Variants in ETHE1 observed in about 807,000 individuals in gnomAD.
ETHE1 encodes the protein ETHE1 persulfide dioxygenase.
ETHE1 carries 16 observed loss-of-function variants against 25.7 expected under a neutral mutation model. The ratio of observed to expected loss-of-function variants is 0.62; its 90% CI spans 0.42 to 0.95. The LOEUF is 0.95. ETHE1 is among the 40% of genes least tolerant of loss of function. The pLI is 0.00. For synonymous variants in ETHE1, 139 were observed against 135.9 expected (o/e 1.02, Z -0.16); for missense variants, 300 against 333.6 (o/e 0.90, Z 0.79).
rs139119694 is a variant in ETHE1 at position 43,508,797 on chromosome 19, G to A, written c.573C>T (p.Ile191=). The A allele has an allele frequency of 7.0e-5, 113 of 1,607,524 alleles. 1 individual carries two copies. In the East Asian group the frequency reaches 2.3e-3, roughly 33 times the overall value. The change falls in exon 5 of 7, where the codon ATC becomes ATT. Residue 191 remains isoleucine (I), a synonymous_variant. Transcript: ENST00000292147. Reference sequence around the variant, plus strand: ...CACCATGGTAATCGTGAGCAGGGTAGATCAGACAGTCTCCTGGAAGTGTGA... The same window carrying A: ...CACCATGGTAATCGTGAGCAGGGTAAATCAGACAGTCTCCTGGAAGTGTGA... ...KIFTLPGDCL[I]YPAHDYHGFT...
Position 43,506,874 on chromosome 19 carries a change from A to C in ETHE1, c.741T>G (p.Cys247Trp). The change falls in exon 7 of 7, where the codon TGT (cysteine) becomes TGG (tryptophan). Residue 247 changes from cysteine (C) to tryptophan (W), a missense_variant. Transcript: ENST00000292147. ...IDFAVPANMR[C>W]GVQTPTA ...ATCAGGCAGTGGGTGTCTGCACCCCACAGCGCATGTTGGCTGGAACAGCAA... is the reference window on the plus strand; with the variant it reads ...ATCAGGCAGTGGGTGTCTGCACCCCCCAGCGCATGTTGGCTGGAACAGCAA... 1.2e-6 allele frequency: 2 copies of C among 1,613,872 alleles called. No individual in the cohort carries two copies. Among genetic ancestry groups the C allele is most frequent in the Non-Finnish European group, 1.7e-6 (2 of 1,179,966 alleles).
chr19:43,526,593 G>A lies in ETHE1; in HGVS notation c.148C>T (p.Leu50=). ...LGDRESREAV[L]IDPVLETAPR... is the part of the protein sequence containing the mutation. Reference sequence around the variant, plus strand: ...GCTGTTTCCAGGACTGGGTCGATCAGAACGGCCTCCCGGGACTCTCTGTCA... The same window carrying A: ...GCTGTTTCCAGGACTGGGTCGATCAAAACGGCCTCCCGGGACTCTCTGTCA... The change falls in exon 2 of 7, where the codon CTG becomes TTG. Residue 50 remains leucine (L), a synonymous_variant. Coordinates refer to ENST00000292147, the MANE Select transcript of ETHE1 (RefSeq NM_014297.5). 1 of 1,614,114 alleles carries A rather than the reference G, an allele frequency of 6.2e-7. No individual in the cohort carries two copies. Among genetic ancestry groups the A allele is most frequent in the Non-Finnish European group, 8.5e-7 (1 of 1,179,998 alleles).
intron 6 of ETHE1, 82 bp from the exon 7 acceptor site, chr19:43,506,984 C>T (rs1362602414): frequency 6.9e-6 from 10 of 1,457,694 alleles, no homozygotes; most frequent in Middle Eastern, 3.6e-4. Flanking sequence ...ATCCTAGGAA[C>T]CTTTCCTCTT....
intron 3 of ETHE1, among the ~76,000 whole-genome samples, chr19:43,521,064 G>T (rs953277680): frequency 1.3e-5 from 2 of 152,122 alleles, no homozygotes; most frequent in African/African-American, 4.8e-5. Context: ...CAGGTGCGGT[G>T]GCTCACTCCT....
At chr19:43,514,326 G>A (rs1248430295) in intron 3 of ETHE1, among the ~76,000 whole-genome samples, 2 of 151,978 alleles carry the variant, frequency 1.3e-5, no homozygotes, top group South Asian at 4.2e-4. Context: ...TCTTACAAAC[G>A]GCAGTTCCCC....
intron 3 of ETHE1, among the ~76,000 whole-genome samples, chr19:43,523,990 C>A (rs560384182): frequency 3.3e-5 from 5 of 151,902 alleles, no homozygotes; most frequent in Admixed American, 6.6e-5. Flanking sequence ...AATCCCAACA[C>A]TTTGGGAGGC....
Position 43,509,483 on chromosome 19 carries a change from C to T in ETHE1, c.506-619G>A, listed in dbSNP as rs1401404721. On this transcript the variant is annotated intron_variant, in intron 4 of 6. Coordinates refer to ENST00000292147, the MANE Select transcript of ETHE1 (RefSeq NM_014297.5). ...CTGCCCTCCAGCCTGGGAGATAGAG[C>T]GCGGCTCTGTCTCAAGAAAAAAAAA... is the stretch of plus-strand genomic sequence containing the variant. Among the ~76,000 whole-genome samples the T allele has an allele frequency of 8.4e-4, 103 of 123,058 alleles. 2 individuals are homozygous for T. The highest frequency in any genetic ancestry group is 3.2e-3 in the African/African-American group (100 of 31,096). The allele number at this position is 123,058 out of a possible 152,430, so 80.7% of individuals were successfully genotyped here.
chr19:43,508,931 A>G, intron 4 of ETHE1, 67 bp from the exon 5 acceptor site: 5 of 1,202,834 alleles, frequency 4.2e-6, no homozygotes, highest in South Asian at 1.3e-5. Flanking sequence ...TTCCTTCAAG[A>G]AAAGGGTAGG....
At chr19:43,526,466 G>A (rs1384834303) in intron 2 of ETHE1, 49 bp downstream of exon 2, 1 of 1,603,954 alleles carries the variant, frequency 6.2e-7, no homozygotes, top group East Asian at 2.3e-5. Context: ...TTCCACTGAC[G>A]CTGCAGCCCA....
At chr19:43,517,999 G>C (rs949891069) in intron 3 of ETHE1, among the ~76,000 whole-genome samples, 2 of 146,164 alleles carry the variant, frequency 1.4e-5, no homozygotes, top group South Asian at 2.1e-4. Flanking sequence ...TTGGGTGACA[G>C]AGCGAGACTG....
chr19:43,508,253 A>T (rs939074284), intron 5 of ETHE1, among the ~76,000 whole-genome samples, 193 bp from the exon 6 acceptor site: 1 of 151,990 alleles, frequency 6.6e-6, no homozygotes, highest in Non-Finnish European at 1.5e-5. Context: ...TCCACAAGTA[A>T]GGCCCAGGAA....
chr19:43,518,002 C>T (rs931600009), intron 3 of ETHE1, among the ~76,000 whole-genome samples: 1 of 143,044 alleles, frequency 7.0e-6, no homozygotes, highest in African/African-American at 2.6e-5. Context: ...GGTGACAGAG[C>T]GAGACTGTCT....
At chr19:43,523,673 G>A (rs933231839) in intron 3 of ETHE1, among the ~76,000 whole-genome samples, 27 of 152,142 alleles carry the variant, frequency 1.8e-4, no homozygotes, top group African/African-American at 6.0e-4. Context: ...GGTGGCTCAC[G>A]CCTATAATCC....
At chr19:43,526,857 A>C (rs1452650682) in intron 1 of ETHE1, 198 bp from the exon 2 acceptor site, 13 of 1,474,806 alleles carry the variant, frequency 8.8e-6, no homozygotes, top group African/African-American at 1.4e-5. Context: ...CTAACATCCC[A>C]AAATCAGGGT....
Position 43,517,485 on chromosome 19 carries a change from C to T in ETHE1, c.376-5919G>A, listed in dbSNP as rs868291549. ...TGAAACCCCATCCATACTAAAAATA[C>T]AAAAATTAGCCGAAGCCAGGCACGG... is the stretch of plus-strand genomic sequence containing the variant. On this transcript the variant is annotated intron_variant, in intron 3 of 6. Transcript: ENST00000292147. Among the ~76,000 whole-genome samples the T allele has an allele frequency of 1.1e-4, 16 of 146,320 alleles. No individual in the cohort carries two copies. In the South Asian group the frequency reaches 2.4e-3, roughly 22 times the overall value.
At chr19:43,508,443 G>A (rs1488733335) in intron 5 of ETHE1, among the ~76,000 whole-genome samples, 1 of 149,452 alleles carries the variant, frequency 6.7e-6, no homozygotes. Context: ...AACCTCCCAG[G>A]CTCAAGCAAT....
In ETHE1 at chr19:43,508,799, TCAGA is replaced by T. The variant is rs1221730102; in HGVS notation, c.567_570del (p.Cys189Ter). 1.2e-6 allele frequency: 2 copies of T among 1,607,726 alleles called. No individual in the cohort carries two copies. Among genetic ancestry groups the T allele is most frequent in the African/African-American group, 1.3e-5 (1 of 74,992 alleles). On this transcript the variant is annotated frameshift_variant, in exon 5 of 7. Coordinates refer to ENST00000292147, the MANE Select transcript of ETHE1 (RefSeq NM_014297.5). LOFTEE classifies it high-confidence loss of function. The stretch of plus-strand genomic sequence containing the variant: ...CCATGGTAATCGTGAGCAGGGTAGA[TCAGA>T]CAGTCTCCTGGAAGTGTGAAGATCT...
chr19:43,515,038 T>C (rs1386922216), intron 3 of ETHE1, among the ~76,000 whole-genome samples: 1 of 152,110 alleles, frequency 6.6e-6, no homozygotes, highest in Non-Finnish European at 1.5e-5. Flanking sequence ...GTAAGCACAC[T>C]AATATAAAAA....
chr19:43,524,005 G>C (rs1972189357), intron 3 of ETHE1, among the ~76,000 whole-genome samples: 1 of 152,014 alleles, frequency 6.6e-6, no homozygotes, highest in Non-Finnish European at 1.5e-5. Context: ...GGAGGCCAGG[G>C]CGCGCGGATC....
Sources: gnomAD v4.1 joint callset for allele counts (sites outside exome capture counted in the v4.1 genomes callset) on GRCh38, gnomAD v4.1.1 for gene constraint, MANE v1.5 for transcripts, NCBI Gene and HGNC (gene_info 2026-07-23, HGNC 2026-07-21) for gene names.